Variants in CAMK2B observed in about 807,000 individuals in gnomAD.
The protein encoded by CAMK2B is calcium/calmodulin dependent protein kinase II beta.
A neutral mutation model predicts 93.7 loss-of-function variants in CAMK2B; 27 were observed. That is an observed-to-expected ratio of 0.29 (90% CI 0.21 to 0.40). CAMK2B has a LOEUF of 0.40. Ranked by LOEUF, CAMK2B falls within the 10% of genes least tolerant of loss-of-function variation. The probability of loss-of-function intolerance (pLI) is 1.00; values close to 1 mark genes in which losing one functional copy is unlikely to be tolerated. For synonymous variants in CAMK2B, 374 were observed against 358.8 expected (o/e 1.04, Z -0.48); for missense variants, 568 against 895.8 (o/e 0.63, Z 4.67).
intron 4 of CAMK2B, among the ~76,000 whole-genome samples, chr7:44,256,368 T>G (rs1419469168): frequency 2.6e-5 from 4 of 152,228 alleles, no homozygotes; most frequent in Non-Finnish European, 5.9e-5. Context: ...TGTGTCTGTG[T>G]GTCTGTACCT....
At chr7:44,274,465 A>G (rs1384480838) in intron 2 of CAMK2B, among the ~76,000 whole-genome samples, 1 of 152,106 alleles carries the variant, frequency 6.6e-6, no homozygotes, top group African/African-American at 2.4e-5. Context: ...GCCATTCCCA[A>G]GCTCGGTTCC....
intron 4 of CAMK2B, among the ~76,000 whole-genome samples, chr7:44,256,136 C>T (rs1181460354): frequency 2.6e-5 from 4 of 152,248 alleles, no homozygotes; most frequent in Admixed American, 1.3e-4. Flanking sequence ...TCTCCTCTCA[C>T]TCCTCATGGG....
intron 1 of CAMK2B, among the ~76,000 whole-genome samples, chr7:44,320,049 C>T (rs139979223): frequency 5.8e-4 from 88 of 152,222 alleles, no homozygotes; most frequent in African/African-American, 2.0e-3. Context: ...TCACATTTTA[C>T]GGCACGTACT....
At chr7:44,220,591 T>G in intron 22 of CAMK2B, 25 bp downstream of exon 22, 1 of 1,596,818 alleles carries the variant, frequency 6.3e-7, no homozygotes, top group Non-Finnish European at 8.6e-7. Context: ...CGCCCCCTCA[T>G]GCCCACCCGG....
chr7:44,240,082 G>A (rs1483023579), intron 12 of CAMK2B, among the ~76,000 whole-genome samples: 5 of 152,110 alleles, frequency 3.3e-5, no homozygotes, highest in African/African-American at 7.2e-5. Context: ...ACGGAGTGTC[G>A]GACGACGGAG....
intron 4 of CAMK2B, 79 bp from the exon 5 acceptor site, chr7:44,254,686 C>G (rs375935488): frequency 1.1e-6 from 1 of 872,210 alleles, no homozygotes; most frequent in Non-Finnish European, 2.0e-6. Context: ...ACTACCACCA[C>G]CACCATCACC....
rs774325033 is a variant in CAMK2B at position 44,312,824 on chromosome 7, G to C, written c.65+12533C>G. Among the ~76,000 whole-genome samples the C allele has an allele frequency of 3.9e-5, 6 of 152,150 alleles. No homozygotes were observed. Among genetic ancestry groups the C allele is most frequent in the Non-Finnish European group, 8.8e-5 (6 of 68,016 alleles). ...TAAGAATAAAATGAACCTGGCCTCA[G>C]GCATGCAGAGGAGTTGTGAAAAGCA... is the stretch of plus-strand genomic sequence containing the variant. On this transcript the variant is annotated intron_variant, in intron 1 of 23. Coordinates refer to ENST00000395749, the MANE Select transcript of CAMK2B (RefSeq NM_001220.5). This position sits in a 1 kb window ranked among gnomAD's most constrained non-coding sequence, Gnocchi z 4.1.
At position 44,311,064 on chromosome 7, in the gene CAMK2B, T is replaced by C. The variant is rs947429789; in HGVS notation, c.65+14293A>G. On this transcript the variant is annotated intron_variant, in intron 1 of 23. Coordinates refer to ENST00000395749, the MANE Select transcript of CAMK2B (RefSeq NM_001220.5). The surrounding 1 kb of genome is among the most constrained non-coding windows in gnomAD (Gnocchi z 4.2). Reference sequence around the variant, plus strand: ...TTGCAATGCTGTCTTTAAAATCTGGTTTTTATTTTTATTATTTTTTTACTT... The same window carrying C: ...TTGCAATGCTGTCTTTAAAATCTGGCTTTTATTTTTATTATTTTTTTACTT... 6.6e-6 allele frequency among the ~76,000 whole-genome samples: 1 copy of C among 152,090 alleles called. No individual in the cohort carries two copies. Among genetic ancestry groups the C allele is most frequent in the African/African-American group, 2.4e-5 (1 of 41,422 alleles).
intron 1 of CAMK2B, among the ~76,000 whole-genome samples, chr7:44,285,473 G>C (rs1784796097): frequency 6.6e-6 from 1 of 152,156 alleles, no homozygotes; most frequent in African/African-American, 2.4e-5. Flanking sequence ...TCCCCTCCCA[G>C]AAAGCTTCTT....
At chr7:44,323,567 C>T (rs967489383) in intron 1 of CAMK2B, among the ~76,000 whole-genome samples, 5 of 152,278 alleles carry the variant, frequency 3.3e-5, no homozygotes, top group Non-Finnish European at 7.4e-5. Flanking sequence ...TGCCGCTGGA[C>T]GCAGGGAGGC....
chr7:44,282,128 C>T (rs2097106943), intron 2 of CAMK2B, among the ~76,000 whole-genome samples: 1 of 152,238 alleles, frequency 6.6e-6, no homozygotes, highest in Admixed American at 6.5e-5. Context: ...TCCATGGCAC[C>T]CTGTGACAGG....
At position 44,290,391 on chromosome 7, in the gene CAMK2B, G is replaced by A. The variant is rs974622557; in HGVS notation, c.66-6166C>T. On this transcript the variant is annotated intron_variant, in intron 1 of 23. Transcript: ENST00000395749. ...TCCTCCAGAGCAGGTCCTTCTGGAAGAGTCTGGGCCGGCCACAGAAGCACT... is the reference window on the plus strand; with the variant it reads ...TCCTCCAGAGCAGGTCCTTCTGGAAAAGTCTGGGCCGGCCACAGAAGCACT... Among the ~76,000 whole-genome samples the A allele has an allele frequency of 2.6e-5, 4 of 152,264 alleles. No individual in the cohort carries two copies. The East Asian group carries it at 7.7e-4, about 29-fold the overall frequency.
chr7:44,229,645 CACCTG>C (rs2096559417), intron 17 of CAMK2B, 144 bp from the exon 18 acceptor site: 2 of 250,516 alleles, frequency 8.0e-6, no homozygotes, highest in Admixed American at 2.3e-4. Context: ...GTGGGGTGGC[CACCTG>C]TGGGGGTCCT....
rs964838010 is a variant in CAMK2B, at chr7:44,271,593, G to T, written c.161-8529C>A. 2.6e-5 allele frequency among the ~76,000 whole-genome samples: 4 copies of T among 152,238 alleles called. No homozygotes were observed. The highest frequency in any genetic ancestry group is 4.8e-5 in the African/African-American group (2 of 41,468). ...GGGCCAGCACTTGCCAACCTGGGCT[G>T]CCAGCAAGTCCCTTGGTAGCACTGA... On this transcript the variant is annotated intron_variant, in intron 2 of 23. Coordinates refer to ENST00000395749, the MANE Select transcript of CAMK2B (RefSeq NM_001220.5). This position sits in a 1 kb window ranked among gnomAD's most constrained non-coding sequence, Gnocchi z 4.2.
chr7:44,268,775 C>CA (rs1355772604), intron 2 of CAMK2B: 1 of 152,276 alleles, frequency 6.6e-6, no homozygotes, highest in African/African-American at 2.4e-5. Context: ...ATGAAGGTGA[C>CA]AGGGCAGGGG....
rs560694634 is a variant in CAMK2B at position 44,303,395 on chromosome 7, A to T, written c.66-19170T>A. ...GGCAAGTTATTTTGTGTATATCAACAAACTGATTCTAAAGTTTATATGGAG... is the reference window on the plus strand; with the variant it reads ...GGCAAGTTATTTTGTGTATATCAACTAACTGATTCTAAAGTTTATATGGAG... On this transcript the variant is annotated intron_variant, in intron 1 of 23. Coordinates refer to ENST00000395749, the MANE Select transcript of CAMK2B (RefSeq NM_001220.5). Among the ~76,000 whole-genome samples, 3 of 152,296 alleles carry T rather than the reference A, an allele frequency of 2.0e-5. No individual in the cohort carries two copies. In the East Asian group the frequency reaches 5.8e-4, roughly 29 times the overall value.
chr7:44,249,688 C>A (rs983155918), intron 5 of CAMK2B, among the ~76,000 whole-genome samples: 8 of 152,184 alleles, frequency 5.3e-5, no homozygotes, highest in Non-Finnish European at 1.0e-4. Context: ...CCTCCCGGGA[C>A]ACCAACAGGG....
At chr7:44,292,972 G>A (rs558684721) in intron 1 of CAMK2B, among the ~76,000 whole-genome samples, 1 of 152,308 alleles carries the variant, frequency 6.6e-6, no homozygotes, top group East Asian at 1.9e-4. Flanking sequence ...CACTGCCCTG[G>A]GGTCTTTGTG....
At chr7:44,322,646 G>A (rs1413048440) in intron 1 of CAMK2B, among the ~76,000 whole-genome samples, 5 of 152,232 alleles carry the variant, frequency 3.3e-5, no homozygotes, top group Non-Finnish European at 7.3e-5. Flanking sequence ...GGCTGAGCAG[G>A]GAAGGGCACA....
Sources: allele counts gnomAD v4.1 joint callset (sites outside exome capture counted in the v4.1 genomes callset), GRCh38; gene constraint gnomAD v4.1.1; non-coding constraint Gnocchi (gnomAD v3.1); transcripts MANE v1.5; gene names NCBI Gene and HGNC (gene_info 2026-07-23, HGNC 2026-07-21).